The following DNAH11 variants were observed in gnomAD, a reference collection of about 807,000 sequenced individuals.
DNAH11 encodes dynein axonemal heavy chain 11.
A neutral mutation model predicts 526.0 loss-of-function variants in DNAH11; 442 were observed. The ratio of observed to expected loss-of-function variants is 0.84; its 90% CI spans 0.78 to 0.91. The LOEUF (loss-of-function observed/expected upper bound fraction) is 0.91. Among genes scored for constraint, DNAH11 ranks in the 40% least tolerant of loss-of-function variants. The pLI is 0.00. For missense variants in DNAH11, 6,989 were observed against 5,448.7 expected (o/e 1.28, Z -8.90); for synonymous variants, 2,461 against 1,935.9 (o/e 1.27, Z -7.12).
At chr7:21,754,423 G>C (rs781213198) in intron 54 of DNAH11, among the ~76,000 whole-genome samples, 1 of 151,028 alleles carries the variant, frequency 6.6e-6, no homozygotes, top group Non-Finnish European at 1.5e-5. Context: ...GTTTCCTTTG[G>C]GTCTGTGTGT....
intron 56 of DNAH11, among the ~76,000 whole-genome samples, chr7:21,777,787 A>G (rs1265833423): frequency 1.3e-5 from 2 of 152,176 alleles, no homozygotes; most frequent in African/African-American, 4.8e-5. Context: ...AGCTTAATCT[A>G]TAATAGTACA....
chr7:21,647,682 C>T (rs1787424779), intron 28 of DNAH11, among the ~76,000 whole-genome samples: 1 of 151,942 alleles, frequency 6.6e-6, no homozygotes, highest in Admixed American at 6.6e-5. Flanking sequence ...CTGCCTGCCT[C>T]AGCCTCCCAA....
chr7:21,611,794 A>G (rs141023006), intron 20 of DNAH11, among the ~76,000 whole-genome samples: 6 of 152,346 alleles, frequency 3.9e-5, no homozygotes, highest in African/African-American at 1.4e-4. Context: ...TCTCTCAATA[A>G]TAGTGAAATG....
chr7:21,785,241 C>T (rs981692871), intron 58 of DNAH11, among the ~76,000 whole-genome samples: 1 of 152,136 alleles, frequency 6.6e-6, no homozygotes, highest in South Asian at 2.1e-4. Context: ...TTTCACTGTT[C>T]TTCATAGAAA....
In DNAH11 at chr7:21,727,037, G is replaced by A. The variant is rs543834910; in HGVS notation, c.7440+1053G>A. 3.7e-5 allele frequency among the ~76,000 whole-genome samples: 5 copies of A among 136,312 alleles called. 1 individual carries two copies. Among genetic ancestry groups the A allele is most frequent in the Middle Eastern group, 4.6e-3 (1 of 218 alleles). The allele number at this position is 136,312 out of a possible 152,430, so 89.4% of individuals were successfully genotyped here. ...CAAGATCCACCTCCGGGGTTCAAGT[G>A]ACTCTCCTGCCTCAGACTCCCAAGT... is the stretch of plus-strand genomic sequence containing the variant. On this transcript the variant is annotated intron_variant, in intron 45 of 81. Coordinates refer to ENST00000409508, the MANE Select transcript of DNAH11 (RefSeq NM_001277115.2).
intron 77 of DNAH11, among the ~76,000 whole-genome samples, chr7:21,893,087 T>C (rs923065993): frequency 2.0e-5 from 3 of 152,228 alleles, no homozygotes; most frequent in African/African-American, 7.2e-5. Context: ...GATGTTTGGG[T>C]TGTTTCTTGT....
At position 21,892,534 on chromosome 7, in the gene DNAH11, T is replaced by A; in HGVS notation, c.12617T>A (p.Leu4206Gln). ...EEMLPPESPA[L>Q]YGLHPNAEIE... ...ATGCTTCCTCCAGAAAGCCCGGCAC[T>A]GTATGGCCTCCACCCAAATGCTGAA... Residue 4206 changes from leucine (L) to glutamine (Q), a missense_variant, in exon 77 of 82, where the codon CTG becomes CAG. Coordinates refer to ENST00000409508, the MANE Select transcript of DNAH11 (RefSeq NM_001277115.2). The A allele has an allele frequency of 6.2e-7, 1 of 1,613,976 alleles. No homozygotes were observed. Among genetic ancestry groups the A allele is most frequent in the Non-Finnish European group, 8.5e-7 (1 of 1,179,886 alleles).
intron 12 of DNAH11, 81 bp from the exon 13 acceptor site, chr7:21,590,837 A>C: frequency 1.2e-6 from 1 of 839,636 alleles, no homozygotes; most frequent in Non-Finnish European, 1.7e-6. Flanking sequence ...ATAACATCTT[A>C]AGTATTTCAA....
rs1562590264 is a variant in DNAH11, at chr7:21,861,950, C to T, written c.11300C>T (p.Ala3767Val). ...ATCCTGATGGAGAGCATCACCCATG[C>T]TGTCTTCCTCTACACCAGCCAGGCG... The part of the protein sequence containing the change: ...ISILMESITH[A>V]VFLYTSQALF... The change falls in exon 69 of 82, where the codon GCT (alanine) becomes GTT (valine). Residue 3767 changes from alanine (A) to valine (V), a missense_variant. Ala to Val is a moderately conservative substitution (Grantham distance 64). Coordinates refer to ENST00000409508, the MANE Select transcript of DNAH11 (RefSeq NM_001277115.2). 6 of 1,613,670 alleles carry T rather than the reference C, an allele frequency of 3.7e-6. No homozygotes were observed. The highest frequency in any genetic ancestry group is 1.1e-5 in the South Asian group (1 of 91,044).
chr7:21,838,714 A>T (rs1418239576), intron 65 of DNAH11, among the ~76,000 whole-genome samples: 1 of 149,144 alleles, frequency 6.7e-6, no homozygotes, highest in Non-Finnish European at 1.5e-5. Context: ...TGGATTTTTA[A>T]ACTATTTATT....
chr7:21,772,695 T>G (rs551204497), intron 55 of DNAH11, among the ~76,000 whole-genome samples: 19 of 152,238 alleles, frequency 1.2e-4, no homozygotes, highest in Non-Finnish European at 2.6e-4. Flanking sequence ...ATTATTTCAG[T>G]TACTAGTGAG....
intron 55 of DNAH11, among the ~76,000 whole-genome samples, chr7:21,769,401 A>G (rs1286079776): frequency 1.3e-5 from 2 of 152,150 alleles, no homozygotes; most frequent in East Asian, 3.9e-4. Context: ...TGACCTTACC[A>G]GAAGCAGCCA....
chr7:21,699,619 G>A (rs1783981633), intron 36 of DNAH11, among the ~76,000 whole-genome samples: 1 of 151,910 alleles, frequency 6.6e-6, no homozygotes, highest in Non-Finnish European at 1.5e-5. Context: ...TTGGGTGGGT[G>A]GAATCATAAT....
chr7:21,661,006 C>T (rs17748500), intron 30 of DNAH11, among the ~76,000 whole-genome samples: 14,203 of 152,044 alleles, frequency 0.093, 728 homozygotes, highest in South Asian at 0.13. Flanking sequence ...TGTCTAACTT[C>T]TTATCAGGCA....
At chr7:21,565,166 A>T (rs1783614936) in intron 6 of DNAH11, among the ~76,000 whole-genome samples, 1 of 152,216 alleles carries the variant, frequency 6.6e-6, no homozygotes, top group Non-Finnish European at 1.5e-5. Flanking sequence ...AAAGTCTCAG[A>T]TGAGGGTGCC....
chr7:21,739,029 G>T (rs754296582), intron 47 of DNAH11, among the ~76,000 whole-genome samples, 163 bp downstream of exon 47: 1 of 152,108 alleles, frequency 6.6e-6, no homozygotes, highest in Non-Finnish European at 1.5e-5. Flanking sequence ...TATCTTTTGG[G>T]TTTGCTTTGT....
At chr7:21,743,377 A>C (rs1274173076) in intron 49 of DNAH11, among the ~76,000 whole-genome samples, 1 of 152,230 alleles carries the variant, frequency 6.6e-6, no homozygotes, top group East Asian at 1.9e-4. Flanking sequence ...GTAAAAGGAC[A>C]GTGTTTATGT....
chr7:21,602,254 G>A (rs901614082), intron 18 of DNAH11, among the ~76,000 whole-genome samples: 4 of 152,106 alleles, frequency 2.6e-5, no homozygotes, highest in East Asian at 1.9e-4. Context: ...CAGAAGAATC[G>A]TTTGAACTCG....
intron 29 of DNAH11, among the ~76,000 whole-genome samples, chr7:21,657,074 C>G (rs796106244): frequency 2.0e-5 from 3 of 152,218 alleles, no homozygotes; most frequent in African/African-American, 7.2e-5. Context: ...TTATAGTGCT[C>G]TAATTTATTC....
Sources: gnomAD v4.1 joint callset for allele counts (sites outside exome capture counted in the v4.1 genomes callset) on GRCh38, gnomAD v4.1.1 for gene constraint, MANE v1.5 for transcripts, NCBI Gene and HGNC (gene_info 2026-07-23, HGNC 2026-07-21) for gene names.